The following FRMPD4 variants were observed in gnomAD, a reference collection of about 807,000 sequenced individuals.
FRMPD4 encodes the protein FERM and PDZ domain containing 4, also known as FERM and PDZ domain-containing protein 4.
Under a neutral mutation model 94.1 loss-of-function variants are expected in FRMPD4, and 22 were observed. That is an observed-to-expected ratio of 0.23 (90% CI 0.17 to 0.33). The LOEUF (loss-of-function observed/expected upper bound fraction) is 0.33, where lower values mean the gene tolerates loss of function less well. Among genes scored for constraint, FRMPD4 ranks in the 10% least tolerant of loss-of-function variants. The pLI is 1.00. For synonymous variants in FRMPD4, 631 were observed against 548.6 expected, an observed-to-expected ratio of 1.15 and a Z score of -2.10; for missense variants, 1,111 against 1,339.9, an observed-to-expected ratio of 0.83 and a Z score of 2.67.
chrX:12,142,429 G>A (rs1318549414), intron 1 of FRMPD4, among the ~76,000 whole-genome samples: 1 of 111,513 alleles, frequency 9.0e-6, no homozygotes, highest in Non-Finnish European at 1.9e-5. Context: ...AGTTAAAGAA[G>A]TAATGCAAAA....
At chrX:12,226,918 TA>T (rs2056929026) in intron 1 of FRMPD4, among the ~76,000 whole-genome samples, 1 of 110,406 alleles carries the variant, frequency 9.1e-6, no homozygotes, top group Admixed American at 9.7e-5. Flanking sequence ...TCAATATTTT[TA>T]AAAAATTGGT....
chrX:12,323,081 AC>A (rs2055234345), intron 1 of FRMPD4, among the ~76,000 whole-genome samples: 1 of 111,561 alleles, frequency 9.0e-6, no homozygotes, highest in Non-Finnish European at 1.9e-5. Flanking sequence ...GGTCACAGTC[AC>A]TATTTTACCT....
intron 3 of FRMPD4, among the ~76,000 whole-genome samples, chrX:11,878,377 T>C (rs2053796668): frequency 8.9e-6 from 1 of 112,238 alleles, no homozygotes; most frequent in Non-Finnish European, 1.9e-5. Flanking sequence ...TAGGCTATAA[T>C]TCACAGTAAA....
chrX:12,554,565 TAAC>T (rs1193553046), intron 2 of FRMPD4, among the ~76,000 whole-genome samples: 3 of 112,495 alleles, frequency 2.7e-5, no homozygotes, highest in South Asian at 3.7e-4. Flanking sequence ...GTTTCACTCT[TAAC>T]AAATATAGAT....
rs186700015 is a variant in FRMPD4 at position 12,663,610 on chromosome X, T to A, written c.423-11253T>A. Among the ~76,000 whole-genome samples the A allele has an allele frequency of 2.4e-3, 267 of 112,249 alleles. 1 individual carries two copies. Among genetic ancestry groups the A allele is most frequent in the Admixed American group, 6.2e-3 (66 of 10,614 alleles). ...TGCTGTTCTGGTTACTGTAGCCTTG[T>A]AGTATAGTTTGAAGTCAGGTAGCAT... On this transcript the variant is annotated intron_variant, in intron 4 of 16. Transcript: ENST00000675598.
chrX:12,479,439 CATATATGTATATATATGT>C (rs1555971418), intron 1 of FRMPD4, among the ~76,000 whole-genome samples: 1 of 15,498 alleles, frequency 6.5e-5, no homozygotes, highest in Non-Finnish European at 1.8e-4. Context: ...TATATACACA[CATATATGTATATATATGT>C]ATATATGTAT....
intron 11 of FRMPD4, among the ~76,000 whole-genome samples, chrX:12,704,720 T>C (rs745466241): frequency 1.8e-5 from 2 of 112,324 alleles, no homozygotes; most frequent in East Asian, 5.5e-4. Context: ...AGCAGGGAGG[T>C]ATGTGTTCAT....
chrX:12,400,542 T>C (rs1056189947), intron 1 of FRMPD4, among the ~76,000 whole-genome samples: 2 of 112,186 alleles, frequency 1.8e-5, no homozygotes, highest in Admixed American at 1.9e-4. Flanking sequence ...CTATAAAGTG[T>C]GATTTTGAAA....
chrX:12,366,862 A>G (rs1441170622), intron 1 of FRMPD4, among the ~76,000 whole-genome samples: 1 of 111,583 alleles, frequency 9.0e-6, no homozygotes, highest in African/African-American at 3.3e-5. Context: ...ATAGTAGCTA[A>G]GTCTTGAGGT....
chrX:12,049,727 A>G (rs2054806390), intron 3 of FRMPD4, among the ~76,000 whole-genome samples: 1 of 111,913 alleles, frequency 8.9e-6, no homozygotes, highest in Non-Finnish European at 1.9e-5. Flanking sequence ...CATTGTTATC[A>G]TAGAAGATGA....
chrX:12,137,416 T>G (rs1326899999), upstream of FRMPD4, among the ~76,000 whole-genome samples: 2 of 112,564 alleles, frequency 1.8e-5, no homozygotes, highest in Non-Finnish European at 3.8e-5. Flanking sequence ...TATTTCTTTC[T>G]TAATCCCCTC....
chrX:12,058,560 A>C (rs895080914), intron 3 of FRMPD4, among the ~76,000 whole-genome samples: 1 of 111,594 alleles, frequency 9.0e-6, no homozygotes, highest in Admixed American at 9.6e-5. Flanking sequence ...ATTTTATACC[A>C]TGATGTGGTG....
chrX:12,078,794 C>A (rs376363126), intron 3 of FRMPD4, among the ~76,000 whole-genome samples: 1 of 111,510 alleles, frequency 9.0e-6, no homozygotes, highest in Non-Finnish European at 1.9e-5. Flanking sequence ...CCTCTGCACA[C>A]CACATACCAG....
intron 3 of FRMPD4, among the ~76,000 whole-genome samples, chrX:11,885,381 CAG>C: frequency 9.1e-6 from 1 of 110,348 alleles, no homozygotes; most frequent in Non-Finnish European, 1.9e-5. Flanking sequence ...TGGTGATTGA[CAG>C]GGGCTGGGGG....
chrX:12,120,044 T>C lies in FRMPD4; in HGVS notation c.95+242026T>C, dbSNP rs769231337. 7.1e-5 allele frequency among the ~76,000 whole-genome samples: 8 copies of C among 112,462 alleles called. No individual in the cohort carries two copies. The East Asian group carries it at 8.4e-4, about 12-fold the overall frequency. On this transcript the variant is annotated intron_variant, in intron 3 of 18. Transcript: ENST00000640291. Reference sequence around the variant, plus strand: ...TGAATGAATTGTGCTCTCCAAGGGATAGTCAAAGAAGCAGCAGTAGTCACC... The same window carrying C: ...TGAATGAATTGTGCTCTCCAAGGGACAGTCAAAGAAGCAGCAGTAGTCACC...
intron 1 of FRMPD4, among the ~76,000 whole-genome samples, chrX:12,237,581 A>G (rs1168903262): frequency 2.7e-5 from 3 of 112,380 alleles, no homozygotes; most frequent in Admixed American, 1.9e-4. Context: ...CTATGTTTAG[A>G]TATTAATCCT....
Position 12,683,578 on chromosome X carries a change from C to T in FRMPD4, c.564C>T (p.Gly188=). 2 of 1,115,472 alleles carry T rather than the reference C, an allele frequency of 1.8e-6. No homozygotes were observed. Among genetic ancestry groups the T allele is most frequent in the Middle Eastern group, 2.4e-4 (1 of 4,125 alleles). 91.9% of individuals were successfully genotyped at this position (1,115,472 alleles called of 1,213,427 possible). A position where few individuals can be genotyped will look rare whatever the true frequency, so the allele number is the denominator to read the frequency against. The change falls in exon 6 of 17, where the codon GGC becomes GGT. Residue 188 remains glycine, a synonymous_variant. Transcript: ENST00000675598. ...TCTCTGAGGAGGTCATCATCAACGG[C>T]CAAGTGTCGGTGAGTTTACAGTCAC... ...VRFSEEVIIN[G]QVSETVKDNS... is the part of the protein sequence containing the mutation.
chrX:12,524,175 A>T (rs1344825081), intron 2 of FRMPD4, among the ~76,000 whole-genome samples: 1 of 111,870 alleles, frequency 8.9e-6, no homozygotes, highest in Non-Finnish European at 1.9e-5. Context: ...AAAGAAAAAA[A>T]AGTTTAAAAA....
At chrX:12,628,704 G>T (rs769594982) in intron 4 of FRMPD4, among the ~76,000 whole-genome samples, 4 of 112,636 alleles carry the variant, frequency 3.6e-5, no homozygotes, top group Non-Finnish European at 5.6e-5. Flanking sequence ...GCAACTACAA[G>T]TCTGGACCCG....
Sources: gnomAD v4.1 joint callset for allele counts (sites outside exome capture counted in the v4.1 genomes callset) on GRCh38, gnomAD v4.1.1 for gene constraint, MANE v1.5 for transcripts, NCBI Gene and HGNC (gene_info 2026-07-23, HGNC 2026-07-21) for gene names.